The following LMBR1 variants were observed in gnomAD, a reference collection of about 807,000 sequenced individuals.
The protein encoded by LMBR1 is limb development membrane protein 1.
A neutral mutation model predicts 73.9 loss-of-function variants in LMBR1; 52 were observed. That is an observed-to-expected ratio of 0.70 (90% CI 0.56 to 0.89). The LOEUF is 0.89. Ranked by LOEUF, LMBR1 falls within the 40% of genes least tolerant of loss-of-function variation. The pLI is 0.00. For synonymous variants in LMBR1, 215 were observed against 209.4 expected, an observed-to-expected ratio of 1.03 and a Z score of -0.23; for missense variants, 539 against 579.8, an observed-to-expected ratio of 0.93 and a Z score of 0.72.
intron 4 of LMBR1, among the ~76,000 whole-genome samples, chr7:156,810,518 G>A (rs185458374): frequency 1.5e-3 from 224 of 151,650 alleles, no homozygotes; most frequent in Non-Finnish European, 2.5e-3. Flanking sequence ...TCAGCCTCCC[G>A]AGTAGCTGGG....
At chr7:156,754,475 T>C (rs1821493483) in intron 9 of LMBR1, among the ~76,000 whole-genome samples, 1 of 152,142 alleles carries the variant, frequency 6.6e-6, no homozygotes, top group African/African-American at 2.4e-5. Context: ...CCCCAAAGAT[T>C]TCTGCAATGC....
chr7:156,673,875 C>CA (rs1323126850), downstream of LMBR1, among the ~76,000 whole-genome samples: 1 of 150,468 alleles, frequency 6.6e-6, no homozygotes, highest in Non-Finnish European at 1.5e-5. Flanking sequence ...TTTAAATACA[C>CA]ACTACGTTCT....
At chr7:156,833,004 A>G (rs937953901) in intron 3 of LMBR1, among the ~76,000 whole-genome samples, 2 of 152,214 alleles carry the variant, frequency 1.3e-5, no homozygotes, top group African/African-American at 4.8e-5. Flanking sequence ...GTCTATGCTA[A>G]TTTCACTATT....
At chr7:156,740,920 C>A (rs1818768024) in intron 9 of LMBR1, among the ~76,000 whole-genome samples, 1 of 152,030 alleles carries the variant, frequency 6.6e-6, no homozygotes, top group Admixed American at 6.6e-5. Flanking sequence ...AATGACGAAC[C>A]AATCAAAAAT....
chr7:156,698,403 C>T (rs1161731741), intron 15 of LMBR1, among the ~76,000 whole-genome samples: 4 of 152,244 alleles, frequency 2.6e-5, no homozygotes, highest in Non-Finnish European at 4.4e-5. Flanking sequence ...TCTGACCCCA[C>T]ATTTTCATTC....
At chr7:156,757,059 G>A (rs773832540) in intron 8 of LMBR1, among the ~76,000 whole-genome samples, 93 of 151,982 alleles carry the variant, frequency 6.1e-4, no homozygotes, top group Non-Finnish European at 1.1e-3. Context: ...CAGGTGATCC[G>A]CCTGCCTCAG....
rs914388407 is a variant in LMBR1, at chr7:156,792,242, T to C, written c.423+4147A>G. Among the ~76,000 whole-genome samples the C allele has an allele frequency of 2.6e-5, 4 of 152,166 alleles. No homozygotes were observed. The highest frequency in any genetic ancestry group is 7.2e-5 in the African/African-American group (3 of 41,434). On this transcript the variant is annotated intron_variant, in intron 5 of 16. Coordinates refer to ENST00000353442, the MANE Select transcript of LMBR1 (RefSeq NM_022458.4). ...GTGATGGCTGCCTTAAGATGTTCCCTGAGCCCTAAGAGCCACATACTGCAG... is the reference window on the plus strand; with the variant it reads ...GTGATGGCTGCCTTAAGATGTTCCCCGAGCCCTAAGAGCCACATACTGCAG...
intron 8 of LMBR1, among the ~76,000 whole-genome samples, chr7:156,759,868 C>A (rs756248274): frequency 2.6e-5 from 4 of 152,100 alleles, no homozygotes; most frequent in Non-Finnish European, 5.9e-5. Flanking sequence ...GTGTCGTTCC[C>A]CTATTGACAA....
intron 15 of LMBR1, among the ~76,000 whole-genome samples, chr7:156,702,882 G>A (rs6976191): frequency 0.01 from 1,575 of 152,300 alleles, 30 homozygotes; most frequent in African/African-American, 0.036. Context: ...TAGGTAAATG[G>A]ATAAACTGTG....
chr7:156,773,474 G>T (rs1293431193), intron 5 of LMBR1, among the ~76,000 whole-genome samples: 3 of 152,058 alleles, frequency 2.0e-5, no homozygotes, highest in African/African-American at 7.2e-5. Flanking sequence ...AAACGAGCAT[G>T]GTACTGGTAT....
intron 1 of LMBR1, among the ~76,000 whole-genome samples, chr7:156,889,573 T>C (rs529398082): frequency 3.0e-4 from 46 of 152,202 alleles, no homozygotes; most frequent in African/African-American, 1.0e-3. Context: ...CTGTAGAAGA[T>C]GGAGTAGACT....
chr7:156,713,246 G>A (rs1169947301), intron 15 of LMBR1, among the ~76,000 whole-genome samples: 1 of 152,026 alleles, frequency 6.6e-6, no homozygotes, highest in East Asian at 1.9e-4. Flanking sequence ...GAGAGAGAGA[G>A]GGATAAATAG....
At chr7:156,874,676 C>T (rs1799896346) in intron 1 of LMBR1, among the ~76,000 whole-genome samples, 1 of 152,204 alleles carries the variant, frequency 6.6e-6, no homozygotes, top group Admixed American at 6.5e-5. Flanking sequence ...TCCTGAGTGG[C>T]TACATCCAAA....
chr7:156,870,576 T>G (rs929134506), intron 1 of LMBR1, among the ~76,000 whole-genome samples: 2 of 151,948 alleles, frequency 1.3e-5, no homozygotes, highest in African/African-American at 4.8e-5. Flanking sequence ...CCACCCTGGC[T>G]AACACGGTGA....
At chr7:156,765,580 CTT>C (rs1823931035) in intron 5 of LMBR1, among the ~76,000 whole-genome samples, 1 of 152,140 alleles carries the variant, frequency 6.6e-6, no homozygotes, top group Non-Finnish European at 1.5e-5. Flanking sequence ...TTAACAATGA[CTT>C]CTCTCTTCCT....
intron 4 of LMBR1, among the ~76,000 whole-genome samples, chr7:156,806,136 G>C (rs151310217): frequency 2.6e-4 from 39 of 151,884 alleles, no homozygotes; most frequent in Non-Finnish European, 5.1e-4. Flanking sequence ...CACAGTATCT[G>C]TCTCCACTTA....
At chr7:156,758,896 A>G (rs1031862278) in intron 8 of LMBR1, among the ~76,000 whole-genome samples, 1 of 152,208 alleles carries the variant, frequency 6.6e-6, no homozygotes, top group African/African-American at 2.4e-5. Context: ...GATTTCTACA[A>G]CAATCCTACG....
At chr7:156,865,232 A>G (rs1798287742) in intron 1 of LMBR1, among the ~76,000 whole-genome samples, 1 of 152,058 alleles carries the variant, frequency 6.6e-6, no homozygotes, top group African/African-American at 2.4e-5. Context: ...ACTTGAGCCT[A>G]GGGGTTTCAG....
rs892695469 is a variant in LMBR1 at position 156,681,947 on chromosome 7, G to A, written c.*2131C>T. The A allele has an allele frequency of 6.6e-6, 1 of 152,290 alleles. No homozygotes were observed. The highest frequency in any genetic ancestry group is 2.4e-5 in the African/African-American group (1 of 41,472). The allele number at this position is 152,290 out of a possible 1,614,324, so 9.4% of individuals were successfully genotyped here. A position where few individuals can be genotyped will look rare whatever the true frequency, so the allele number is the denominator to read the frequency against. ...TGCATTTGGAGTCAGTCTCTCCAGA[G>A]GCAGATGCTTGGGCATGTGCTCAGG... On this transcript the variant is annotated 3_prime_UTR_variant, in exon 17 of 17. Coordinates refer to ENST00000353442, the MANE Select transcript of LMBR1 (RefSeq NM_022458.4).
Sources: allele counts gnomAD v4.1 joint callset (sites outside exome capture counted in the v4.1 genomes callset), GRCh38; gene constraint gnomAD v4.1.1; transcripts MANE v1.5; gene names NCBI Gene and HGNC (gene_info 2026-07-23, HGNC 2026-07-21).